SCD5: variants seen among roughly 807,000 people sequenced by gnomAD.
The protein encoded by SCD5 is acyl-CoA-desaturase 4.
Under a neutral mutation model 30.4 loss-of-function variants are expected in SCD5, and 20 were observed. The ratio of observed to expected loss-of-function variants is 0.66; its 90% CI spans 0.46 to 0.96. The LOEUF is 0.96. Ranked by LOEUF, SCD5 falls within the 40% of genes least tolerant of loss-of-function variation. The probability of loss-of-function intolerance (pLI) is 0.00; values close to 1 mark genes in which losing one functional copy is unlikely to be tolerated. For missense variants in SCD5, 381 were observed against 443.3 expected (o/e 0.86, Z 1.26); for synonymous variants, 173 against 176.4 (o/e 0.98, Z 0.16).
At chr4:82,694,026 C>G (rs751176447) in intron 2 of SCD5, among the ~76,000 whole-genome samples, 11 of 152,228 alleles carry the variant, frequency 7.2e-5, no homozygotes, top group Non-Finnish European at 1.3e-4. Flanking sequence ...CCATCTCACA[C>G]TCTGCTACTG....
chr4:82,691,018 G>GTTTGT (rs763465329), intron 2 of SCD5, among the ~76,000 whole-genome samples: 3 of 149,840 alleles, frequency 2.0e-5, no homozygotes, highest in East Asian at 4.3e-4. Context: ...TTTTTTGTTT[G>GTTTGT]TTTGTTTTGT....
intron 2 of SCD5, among the ~76,000 whole-genome samples, chr4:82,687,487 G>GAAGC (rs1295944684): frequency 6.6e-6 from 1 of 152,180 alleles, no homozygotes; most frequent in Non-Finnish European, 1.5e-5. Context: ...TCTCCTCGAT[G>GAAGC]AAGCAGTTAA....
intron 3 of SCD5, among the ~76,000 whole-genome samples, chr4:82,650,711 T>C (rs1057366739): frequency 8.6e-5 from 13 of 151,948 alleles, no homozygotes; most frequent in Non-Finnish European, 8.8e-5. Flanking sequence ...AAAAAAATTA[T>C]TGAGAATGCC....
intron 1 of SCD5, among the ~76,000 whole-genome samples, chr4:82,766,381 C>G (rs1721486172): frequency 6.6e-6 from 1 of 152,144 alleles, no homozygotes; most frequent in Non-Finnish European, 1.5e-5. Context: ...TAAATCCTAT[C>G]CAATGTATTT....
intron 3 of SCD5, among the ~76,000 whole-genome samples, chr4:82,673,453 C>T (rs1728370951): frequency 6.6e-6 from 1 of 152,114 alleles, no homozygotes; most frequent in African/African-American, 2.4e-5. Flanking sequence ...TCTAACAAAA[C>T]ATGTACAAGA....
intron 1 of SCD5, among the ~76,000 whole-genome samples, chr4:82,743,853 C>G (rs1358750013): frequency 1.3e-5 from 2 of 152,012 alleles, no homozygotes; most frequent in African/African-American, 2.4e-5. Context: ...ACTGTTGAGA[C>G]AAGGTCTGGC....
At chr4:82,649,791 C>G (rs1488637304) in intron 3 of SCD5, among the ~76,000 whole-genome samples, 1 of 152,180 alleles carries the variant, frequency 6.6e-6, no homozygotes, top group Non-Finnish European at 1.5e-5. Context: ...CAGACATGGC[C>G]AAATGGGTCT....
At chr4:82,685,869 A>T (rs115353737) in intron 2 of SCD5, among the ~76,000 whole-genome samples, 1,727 of 152,016 alleles carry the variant, frequency 0.011, 35 homozygotes, top group African/African-American at 0.04. Context: ...GCTGTACATT[A>T]TTTTTTTTCC....
chr4:82,753,082 A>G (rs1721140571), intron 1 of SCD5, among the ~76,000 whole-genome samples: 1 of 152,172 alleles, frequency 6.6e-6, no homozygotes, highest in East Asian at 1.9e-4. Flanking sequence ...TGGGAAGAGA[A>G]GAATCCCCAG....
chr4:82,703,277 T>C (rs528898090), intron 2 of SCD5, among the ~76,000 whole-genome samples: 1 of 152,214 alleles, frequency 6.6e-6, no homozygotes, highest in Non-Finnish European at 1.5e-5. Flanking sequence ...TGTTCATTTA[T>C]TTTTTTATTT....
chr4:82,796,880 G>C (rs151324423), intron 1 of SCD5, among the ~76,000 whole-genome samples: 288 of 152,318 alleles, frequency 1.9e-3, no homozygotes, highest in African/African-American at 6.6e-3. Context: ...ACACATAAAG[G>C]TGATGGTGAA....
In SCD5 at chr4:82,636,582, C is replaced by G; in HGVS notation, c.802+9G>C. 1 of 1,610,216 alleles carries G rather than the reference C, an allele frequency of 6.2e-7. No homozygotes were observed. Among genetic ancestry groups the G allele is most frequent in the Non-Finnish European group, 8.5e-7 (1 of 1,177,714 alleles). On this transcript the variant is annotated intron_variant, in intron 4 of 4. Coordinates refer to ENST00000319540, the MANE Select transcript of SCD5 (RefSeq NM_001037582.3). ...ATTCTCCCCATTGGCCCTCAACACC[C>G]CTACTCACCAATGGCACCCAGAGCG... is the stretch of plus-strand genomic sequence containing the variant.
intron 1 of SCD5, among the ~76,000 whole-genome samples, chr4:82,709,381 G>A (rs1403065059): frequency 1.3e-5 from 2 of 152,180 alleles, no homozygotes; most frequent in African/African-American, 4.8e-5. Flanking sequence ...GCTCAGAACT[G>A]GGAGTTTAAC....
chr4:82,676,274 G>A (rs1728434720), intron 3 of SCD5, among the ~76,000 whole-genome samples: 1 of 152,192 alleles, frequency 6.6e-6, no homozygotes, highest in Non-Finnish European at 1.5e-5. Context: ...CCTGTCTCCA[G>A]AATTCTTTTA....
rs551011643 is a variant in SCD5 at position 82,661,793 on chromosome 4, T to C, written c.569+18914A>G. ...GCACTAAGGTGACATTCATGAATTA[T>C]GGAGTCATATGTCCTAGCGCAGAGA... On this transcript the variant is annotated intron_variant, in intron 3 of 4. Coordinates refer to ENST00000319540, the MANE Select transcript of SCD5 (RefSeq NM_001037582.3). 2.0e-5 allele frequency among the ~76,000 whole-genome samples: 3 copies of C among 152,336 alleles called. No individual in the cohort carries two copies. In the South Asian group the frequency reaches 6.2e-4, roughly 32 times the overall value.
chr4:82,722,715 A>G (rs951054395), intron 1 of SCD5, among the ~76,000 whole-genome samples: 2 of 151,558 alleles, frequency 1.3e-5, no homozygotes, highest in Admixed American at 1.3e-4. Context: ...CAGTGAGCCG[A>G]AATTGCACCA....
At position 82,631,180 on chromosome 4, in the gene SCD5, G is replaced by A; in HGVS notation, c.*147C>T. The stretch of plus-strand genomic sequence containing the variant: ...TAATTGTATTTCAACATTATTTTGA[G>A]ATAAACAAAAACATTCCCAAACCAC... On this transcript the variant is annotated 3_prime_UTR_variant, in exon 5 of 5. Coordinates refer to ENST00000319540, the MANE Select transcript of SCD5 (RefSeq NM_001037582.3). 2 of 578,614 alleles carry A rather than the reference G, an allele frequency of 3.5e-6. No homozygotes were observed. The highest frequency in any genetic ancestry group is 5.6e-6 in the Non-Finnish European group (2 of 355,986). The allele number at this position is 578,614 out of a possible 1,614,324, so 35.8% of individuals were successfully genotyped here. A position where few individuals can be genotyped will look rare whatever the true frequency, so the allele number is the denominator to read the frequency against.
At chr4:82,677,545 C>T (rs1263031348) in intron 3 of SCD5, among the ~76,000 whole-genome samples, 1 of 152,192 alleles carries the variant, frequency 6.6e-6, no homozygotes. Flanking sequence ...CCGGTAAAGC[C>T]AGCTTCACGA....
intron 1 of SCD5, among the ~76,000 whole-genome samples, chr4:82,746,430 T>C (rs1447036627): frequency 2.0e-5 from 3 of 152,224 alleles, no homozygotes; most frequent in African/African-American, 7.2e-5. Flanking sequence ...CACTTTGCCC[T>C]TTTTTCTCTC....
Sources: gnomAD v4.1 joint callset for allele counts (sites outside exome capture counted in the v4.1 genomes callset) on GRCh38, gnomAD v4.1.1 for gene constraint, MANE v1.5 for transcripts, NCBI Gene and HGNC (gene_info 2026-07-23, HGNC 2026-07-21) for gene names.